The following MALRD1 variants were observed in gnomAD, a reference collection of about 807,000 sequenced individuals.
MALRD1 encodes MAM and LDL-receptor class A domain-containing protein 1.
A neutral mutation model predicts 242.1 loss-of-function variants in MALRD1; 247 were observed. That is an observed-to-expected ratio of 1.02 (90% CI 0.92 to 1.13). The LOEUF is 1.13. Ranked by LOEUF, MALRD1 falls within the 50% of genes most tolerant of loss-of-function variation. The pLI is 0.00. For synonymous variants in MALRD1, 995 were observed against 866.6 expected, an observed-to-expected ratio of 1.15 and a Z score of -2.60; for missense variants, 2,989 against 2,533.1, an observed-to-expected ratio of 1.18 and a Z score of -3.86.
At chr10:19,438,801 C>G (rs577310855) in intron 28 of MALRD1, among the ~76,000 whole-genome samples, 7 of 141,248 alleles carry the variant, frequency 5.0e-5, no homozygotes, top group African/African-American at 1.9e-4. Context: ...CCACCAGACC[C>G]CACAGCTCAG....
rs187496774 is a variant in MALRD1, at chr10:19,528,885, A to G, written c.5321-2309A>G. Among the ~76,000 whole-genome samples, 25 of 152,312 alleles carry G rather than the reference A, an allele frequency of 1.6e-4. No individual in the cohort carries two copies. In the East Asian group the frequency reaches 4.3e-3, roughly 26 times the overall value. ...CAACATTGGACAGCCAGCCAGACAG[A>G]CACAGAGTATCGTAACTTACCTGGG... is the stretch of plus-strand genomic sequence containing the variant. On this transcript the variant is annotated intron_variant, in intron 31 of 39. Coordinates refer to ENST00000454679, the MANE Select transcript of MALRD1 (RefSeq NM_001142308.3).
At chr10:19,673,826 T>C (rs1842028833) in intron 36 of MALRD1, among the ~76,000 whole-genome samples, 1 of 151,960 alleles carries the variant, frequency 6.6e-6, no homozygotes, top group South Asian at 2.1e-4. Context: ...TCTATTGATA[T>C]ATCTATTTTA....
In MALRD1 at chr10:19,491,662, G is replaced by C. The variant is rs995985916; in HGVS notation, c.5158+17G>C. The C allele has an allele frequency of 2.6e-6, 4 of 1,545,768 alleles. No homozygotes were observed. In the African/African-American group the frequency reaches 5.5e-5, roughly 21 times the overall value. ...CTCACTGTGGTAAGTTTATCTATCT[G>C]CTGTATGGCAGCCAGTTCAGCAGAT... On this transcript the variant is annotated intron_variant, in intron 30 of 39. Coordinates refer to ENST00000454679, the MANE Select transcript of MALRD1 (RefSeq NM_001142308.3).
chr10:19,477,328 C>T (rs937149899), intron 29 of MALRD1, among the ~76,000 whole-genome samples: 11 of 152,026 alleles, frequency 7.2e-5, no homozygotes, highest in African/African-American at 2.7e-4. Flanking sequence ...AACTCCATAA[C>T]ATTTTAAAGA....
At chr10:19,438,817 C>G (rs931124184) in intron 28 of MALRD1, among the ~76,000 whole-genome samples, 1 of 73,936 alleles carries the variant, frequency 1.4e-5, no homozygotes, top group Non-Finnish European at 3.3e-5. Flanking sequence ...CTCAGACAGA[C>G]AAGCCTTCTT....
At position 19,379,245 on chromosome 10, in the gene MALRD1, T is replaced by G. The variant is rs144706197; in HGVS notation, c.4442-8283T>G. 2.7e-3 allele frequency among the ~76,000 whole-genome samples: 409 copies of G among 152,272 alleles called. 4 individuals carry two copies. Among genetic ancestry groups the G allele is most frequent in the African/African-American group, 9.1e-3 (379 of 41,576 alleles). ...TATCAGTTTTACTGATATGTGCAAC[T>G]AAACAGCTTTTGGTTGAACTGCTGT... On this transcript the variant is annotated intron_variant, in intron 26 of 39. Transcript: ENST00000454679.
chr10:19,597,083 T>G (rs1342679263), intron 34 of MALRD1, among the ~76,000 whole-genome samples: 1 of 152,144 alleles, frequency 6.6e-6, no homozygotes, highest in African/African-American at 2.4e-5. Flanking sequence ...GCTGACAAAT[T>G]GGTTTTCCAA....
chr10:19,204,495 T>C (rs1836702649), intron 16 of MALRD1, 82 bp downstream of exon 16: 2 of 860,140 alleles, frequency 2.3e-6, no homozygotes, highest in South Asian at 1.8e-5. Flanking sequence ...TCTGCACTTA[T>C]TCATTTCTGT....
intron 4 of MALRD1, among the ~76,000 whole-genome samples, chr10:19,096,790 A>G (rs994546581): frequency 3.3e-5 from 5 of 152,174 alleles, no homozygotes; most frequent in African/African-American, 1.2e-4. Context: ...CTTAAAAGCC[A>G]TGCATCCTTC....
At chr10:19,299,466 G>A (rs1308906144) in intron 21 of MALRD1, among the ~76,000 whole-genome samples, 3 of 151,900 alleles carry the variant, frequency 2.0e-5, no homozygotes, top group South Asian at 4.1e-4. Flanking sequence ...AACTCAACAA[G>A]AATCTATAAC....
chr10:19,125,367 T>G (rs1242398449), intron 7 of MALRD1, among the ~76,000 whole-genome samples: 2 of 123,358 alleles, frequency 1.6e-5, no homozygotes, highest in Non-Finnish European at 3.3e-5. Context: ...CTTTCTTTCT[T>G]TCTTTCTTTC....
In MALRD1 at chr10:19,519,455, A is replaced by G. The variant is rs1281672994; in HGVS notation, c.5321-11739A>G. 2.0e-5 allele frequency among the ~76,000 whole-genome samples: 3 copies of G among 152,260 alleles called. No homozygotes were observed. In the East Asian group the frequency reaches 5.8e-4, roughly 29 times the overall value. ...TATACTTTGAAAAATCTTTAGTATC[A>G]TCTTTTAAAAATAATTTGGTTCTAG... On this transcript the variant is annotated intron_variant, in intron 31 of 39. Transcript: ENST00000454679.
chr10:19,059,578 G>A (rs1834762715), intron 1 of MALRD1, among the ~76,000 whole-genome samples: 1 of 152,042 alleles, frequency 6.6e-6, no homozygotes, highest in Non-Finnish European at 1.5e-5. Flanking sequence ...TCTTAGTAGA[G>A]ATGGAGTTTC....
chr10:19,076,723 G>T (rs1564375837), intron 2 of MALRD1, among the ~76,000 whole-genome samples: 1 of 152,006 alleles, frequency 6.6e-6, no homozygotes, highest in Non-Finnish European at 1.5e-5. Context: ...TACTAGGGAA[G>T]AGTAAGTCTT....
rs187009539 is a variant in MALRD1, at chr10:19,528,177, C to A, written c.5321-3017C>A. ...GGTACATACAATGTATTTCAAAGAA[C>A]AATGAGGATAGAAAACAGCTTACCA... On this transcript the variant is annotated intron_variant, in intron 31 of 39. Transcript: ENST00000454679. Among the ~76,000 whole-genome samples, 537 of 152,260 alleles carry A rather than the reference C, an allele frequency of 3.5e-3. 4 individuals are homozygous for A. Among genetic ancestry groups the A allele is most frequent in the African/African-American group, 0.012 (514 of 41,544 alleles).
chr10:19,716,093 G>T (rs751205972), intron 38 of MALRD1, among the ~76,000 whole-genome samples: 3 of 152,198 alleles, frequency 2.0e-5, no homozygotes, highest in Non-Finnish European at 4.4e-5. Flanking sequence ...CAAACCTTTA[G>T]TGAGGGCTAG....
At chr10:19,675,560 G>A (rs1043602611) in intron 36 of MALRD1, among the ~76,000 whole-genome samples, 1 of 152,208 alleles carries the variant, frequency 6.6e-6, no homozygotes, top group Non-Finnish European at 1.5e-5. Context: ...ACTCTGGGGA[G>A]AAGAATAAAT....
intron 13 of MALRD1, among the ~76,000 whole-genome samples, chr10:19,173,073 C>A (rs1835080392): frequency 6.6e-6 from 1 of 151,980 alleles, no homozygotes; most frequent in Non-Finnish European, 1.5e-5. Context: ...CTGCTGACCA[C>A]CCTTATCACC....
chr10:19,144,159 C>G (rs1833645696), intron 10 of MALRD1, among the ~76,000 whole-genome samples: 1 of 152,012 alleles, frequency 6.6e-6, no homozygotes, highest in Non-Finnish European at 1.5e-5. Context: ...GTAGGGAAAT[C>G]CATTTAGAGG....
Sources: allele counts gnomAD v4.1 joint callset (sites outside exome capture counted in the v4.1 genomes callset), GRCh38; gene constraint gnomAD v4.1.1; transcripts MANE v1.5; gene names NCBI Gene and HGNC (gene_info 2026-07-23, HGNC 2026-07-21).